RTL4: variants seen among roughly 807,000 people sequenced by gnomAD.
RTL4 encodes retrotransposon Gag like 4, also known as retrotransposon Gag-like protein 4.
Under a neutral mutation model 5.3 loss-of-function variants are expected in RTL4, and 4 were observed. That is an observed-to-expected ratio of 0.75 (90% CI 0.37 to 1.72). RTL4 has a LOEUF of 1.72. Ranked by LOEUF, RTL4 falls within the 40% of genes most tolerant of loss-of-function variation. The pLI, the probability that RTL4 is intolerant of heterozygous loss-of-function variation, is 0.04. For synonymous variants in RTL4, 98 were observed against 87.3 expected, an observed-to-expected ratio of 1.12 and a Z score of -0.68; for missense variants, 260 against 227.1, an observed-to-expected ratio of 1.14 and a Z score of -0.93.
chrX:112,219,445 CT>C, the RTL4 span, among the ~76,000 whole-genome samples: 29 of 112,239 alleles, frequency 2.6e-4, no homozygotes, highest in African/African-American at 9.4e-4. Context: ...GCAACTTTGG[CT>C]TGAAGATCAT....
the RTL4 span, among the ~76,000 whole-genome samples, chrX:112,370,497 C>G: frequency 9.0e-6 from 1 of 111,692 alleles, no homozygotes; most frequent in Admixed American, 9.5e-5. Flanking sequence ...TCCATTCTTA[C>G]AAGGGTGAGA....
At chrX:112,085,051 C>G in the RTL4 span, among the ~76,000 whole-genome samples, 1 of 112,568 alleles carries the variant, frequency 8.9e-6, no homozygotes. Flanking sequence ...CAGAGTATCT[C>G]CTAGTGCAAT....
chrX:112,083,619 A>G, the RTL4 span, among the ~76,000 whole-genome samples: 1 of 111,416 alleles, frequency 9.0e-6, no homozygotes, highest in East Asian at 2.8e-4. Flanking sequence ...GGAAAGTGAT[A>G]TTGTAGGATG....
chrX:112,450,049 A>G (rs1451924739), upstream of RTL4, among the ~76,000 whole-genome samples: 1 of 112,076 alleles, frequency 8.9e-6, no homozygotes, highest in African/African-American at 3.2e-5. Context: ...CAAGAGTAAA[A>G]TATACAACTG....
chrX:112,329,859 A>G, the RTL4 span, among the ~76,000 whole-genome samples: 175 of 111,762 alleles, frequency 1.6e-3, no homozygotes, highest in African/African-American at 5.4e-3. Flanking sequence ...TTCAACATAC[A>G]CAAATCAATA....
the RTL4 span, among the ~76,000 whole-genome samples, chrX:112,144,042 C>G: frequency 5.1e-4 from 57 of 112,227 alleles, no homozygotes; most frequent in Non-Finnish European, 8.1e-4. Flanking sequence ...AAAGAATCTT[C>G]TGTGTACAAA....
the RTL4 span, among the ~76,000 whole-genome samples, chrX:112,424,851 C>T: frequency 2.7e-5 from 3 of 110,175 alleles, no homozygotes; most frequent in Non-Finnish European, 5.7e-5. Context: ...GACCCCCTCG[C>T]CTCCCACAAA....
the RTL4 span, among the ~76,000 whole-genome samples, chrX:112,278,903 G>T: frequency 1.6e-4 from 18 of 111,647 alleles, no homozygotes; most frequent in African/African-American, 5.2e-4. Flanking sequence ...AGAAAAGGAT[G>T]ATTTAAAAAG....
chrX:112,378,785 C>T, the RTL4 span, among the ~76,000 whole-genome samples: 1 of 111,867 alleles, frequency 8.9e-6, no homozygotes, highest in African/African-American at 3.3e-5. Context: ...AGTGCCACTA[C>T]CAAAGCTGAT....
the RTL4 span, among the ~76,000 whole-genome samples, chrX:112,254,708 A>G: frequency 9.0e-6 from 1 of 111,197 alleles, no homozygotes; most frequent in Non-Finnish European, 1.9e-5. Flanking sequence ...TTGAGGAAAC[A>G]GGCTATGTGA....
chrX:112,364,559 G>A, the RTL4 span, among the ~76,000 whole-genome samples: 1 of 110,875 alleles, frequency 9.0e-6, no homozygotes, highest in Admixed American at 9.6e-5. Flanking sequence ...TTTTTTGACT[G>A]GTGAGGGGTG....
the RTL4 span, among the ~76,000 whole-genome samples, chrX:112,436,434 C>G: frequency 6.3e-5 from 7 of 111,215 alleles, no homozygotes; most frequent in Non-Finnish European, 1.9e-5. Flanking sequence ...AGCGCCTCGC[C>G]TTCTGAGCTG....
the RTL4 span, among the ~76,000 whole-genome samples, chrX:112,306,808 ACT>A: frequency 9.0e-6 from 1 of 111,266 alleles, no homozygotes; most frequent in African/African-American, 3.3e-5. Flanking sequence ...TCCGTAGGAA[ACT>A]CTACGCTCAA....
chrX:112,439,690 T>A, the RTL4 span, among the ~76,000 whole-genome samples: 1 of 111,639 alleles, frequency 9.0e-6, no homozygotes, highest in Non-Finnish European at 1.9e-5. Context: ...ATGAACATCT[T>A]CATGTTGCCC....
chrX:112,108,196 C>G, the RTL4 span, among the ~76,000 whole-genome samples: 3 of 111,751 alleles, frequency 2.7e-5, no homozygotes, highest in African/African-American at 9.7e-5. Context: ...ATTTTTGTCA[C>G]CTACTGTTTT....
the RTL4 span, among the ~76,000 whole-genome samples, chrX:112,214,495 C>T: frequency 2.7e-5 from 3 of 112,092 alleles, no homozygotes; most frequent in Non-Finnish European, 5.6e-5. Context: ...GATATCTTTT[C>T]GGATCCTGAT....
the RTL4 span, among the ~76,000 whole-genome samples, chrX:112,090,777 G>C: frequency 9.0e-6 from 1 of 110,682 alleles, no homozygotes; most frequent in African/African-American, 3.3e-5. Flanking sequence ...GAGTTAGGAA[G>C]TATCCTCTCC....
At chrX:112,347,029 G>T in the RTL4 span, among the ~76,000 whole-genome samples, 1 of 111,867 alleles carries the variant, frequency 8.9e-6, no homozygotes, top group African/African-American at 3.2e-5. Flanking sequence ...CTCTGGAAAA[G>T]AGTATAGAAA....
chrX:112,385,688 G>T, the RTL4 span, among the ~76,000 whole-genome samples: 1 of 111,515 alleles, frequency 9.0e-6, no homozygotes, highest in East Asian at 2.8e-4. Flanking sequence ...ACCTATTCTA[G>T]TTCTTGTGTC....
Sources: gnomAD v4.1 joint callset for allele counts (sites outside exome capture counted in the v4.1 genomes callset) on GRCh38, gnomAD v4.1.1 for gene constraint, MANE v1.5 for transcripts, NCBI Gene and HGNC (gene_info 2026-07-23, HGNC 2026-07-21) for gene names.